The following TUT4 variants were observed in gnomAD, a reference collection of about 807,000 sequenced individuals.
TUT4 encodes the protein terminal uridylyltransferase 4.
In TUT4, 36 loss-of-function variants were observed where a neutral mutation model predicts 192.2. The observed-to-expected ratio is 0.19, with a 90% CI of 0.14 to 0.25. TUT4 has a LOEUF of 0.25. Among genes scored for constraint, TUT4 ranks in the 10% least tolerant of loss-of-function variants. TUT4 has a pLI of 1.00. For synonymous variants in TUT4, 618 were observed against 666.0 expected (o/e 0.93, Z 1.11); for missense variants, 1,493 against 1,957.2 (o/e 0.76, Z 4.47).
chr1:52,473,659 G>A (rs552710156), intron 13 of TUT4, among the ~76,000 whole-genome samples: 4 of 151,800 alleles, frequency 2.6e-5, no homozygotes, highest in African/African-American at 4.8e-5. Context: ...CAATAACTAC[G>A]ATAAAACAAT....
chr1:52,436,271 A>C (rs1044770856), intron 26 of TUT4, among the ~76,000 whole-genome samples: 1 of 152,132 alleles, frequency 6.6e-6, no homozygotes, highest in Admixed American at 6.5e-5. Context: ...GGATCACCTG[A>C]GGTCAGGAAT....
At chr1:52,530,828 C>T (rs952778065) in intron 1 of TUT4, among the ~76,000 whole-genome samples, 1 of 152,056 alleles carries the variant, frequency 6.6e-6, no homozygotes, top group Non-Finnish European at 1.5e-5. Context: ...CATGGTAAAA[C>T]CCTGTCTCTA....
At chr1:52,546,011 C>T (rs988917871) in intron 1 of TUT4, among the ~76,000 whole-genome samples, 2 of 150,114 alleles carry the variant, frequency 1.3e-5, no homozygotes, top group African/African-American at 2.5e-5. Flanking sequence ...TGGTCGCAAG[C>T]GCCCACAGTC....
At chr1:52,469,747 G>A (rs901581474) in intron 14 of TUT4, among the ~76,000 whole-genome samples, 38 of 152,006 alleles carry the variant, frequency 2.5e-4, no homozygotes, top group African/African-American at 7.0e-4. Flanking sequence ...AAAATTAGCC[G>A]GGCGTGATGG....
Position 52,423,834 on chromosome 1 carries a change from C to T in TUT4, c.*101G>A. The T allele has an allele frequency of 3.9e-6, 6 of 1,555,178 alleles. No individual in the cohort carries two copies. Among genetic ancestry groups the T allele is most frequent in the Middle Eastern group, 3.3e-4 (2 of 5,992 alleles). On this transcript the variant is annotated 3_prime_UTR_variant, in exon 30 of 30. Transcript: ENST00000257177. The stretch of plus-strand genomic sequence containing the variant: ...TGCTTTCCATTAAATGTCACTTTTT[C>T]TGCTGAATGTAACTGACATTGAGGT...
intron 20 of TUT4, among the ~76,000 whole-genome samples, chr1:52,451,819 G>A (rs527800540): frequency 9.9e-5 from 15 of 150,880 alleles, no homozygotes; most frequent in Non-Finnish European, 2.2e-4. Flanking sequence ...CTCCAGCCTG[G>A]GCAACAGAGT....
intron 3 of TUT4, among the ~76,000 whole-genome samples, chr1:52,510,238 G>A (rs1206458880): frequency 7.0e-6 from 1 of 142,998 alleles, no homozygotes; most frequent in Non-Finnish European, 1.5e-5. Flanking sequence ...TCTCAGCCTA[G>A]AAGGCAGAGT....
chr1:52,514,859 C>G (rs1275046509), intron 3 of TUT4: 2 of 151,214 alleles, frequency 1.3e-5, no homozygotes, highest in Admixed American at 6.6e-5. Context: ...CTCACCGCAA[C>G]CTCTGCCCCC....
intron 13 of TUT4, among the ~76,000 whole-genome samples, chr1:52,472,499 C>T (rs144472382): frequency 6.6e-6 from 1 of 151,684 alleles, no homozygotes; most frequent in Admixed American, 6.6e-5. Flanking sequence ...CAAACATTTT[C>T]TATTTTCTGA....
chr1:52,455,095 G>A (rs994616704), intron 20 of TUT4, among the ~76,000 whole-genome samples: 4 of 152,058 alleles, frequency 2.6e-5, no homozygotes, highest in Non-Finnish European at 5.9e-5. Context: ...ACCAACCTGG[G>A]CAACATGGAG....
At chr1:52,427,434 C>T (rs1354816280) in intron 28 of TUT4, among the ~76,000 whole-genome samples, 1 of 152,110 alleles carries the variant, frequency 6.6e-6, no homozygotes, top group Non-Finnish European at 1.5e-5. Context: ...ATGACTAAAA[C>T]ACTGAGAACA....
At chr1:52,448,362 C>T (rs891503326) in intron 20 of TUT4, among the ~76,000 whole-genome samples, 6 of 151,870 alleles carry the variant, frequency 4.0e-5, no homozygotes, top group African/African-American at 1.5e-4. Flanking sequence ...CCGAGGCAGG[C>T]GGATCACCTG....
intron 24 of TUT4, among the ~76,000 whole-genome samples, chr1:52,439,122 G>A (rs1359469072): frequency 6.7e-6 from 1 of 149,614 alleles, no homozygotes; most frequent in East Asian, 2.0e-4. Context: ...AGGAGGCTGA[G>A]ATGGGAGGAC....
rs568018442 is a variant in TUT4, at chr1:52,521,014, G to C, written c.718+4549C>G. Among the ~76,000 whole-genome samples the C allele has an allele frequency of 2.0e-5, 3 of 152,114 alleles. No homozygotes were observed. In the South Asian group the frequency reaches 6.2e-4, roughly 32 times the overall value. On this transcript the variant is annotated intron_variant, in intron 2 of 29. Coordinates refer to ENST00000257177, the MANE Select transcript of TUT4 (RefSeq NM_001009881.3). ...TCACCATGTTAGCCAGGCTGGTCTT[G>C]AACTCCTGACCTCAGGTGATCCGCC... is the stretch of plus-strand genomic sequence containing the variant.
At chr1:52,430,385 C>T (rs1172629218) in intron 28 of TUT4, among the ~76,000 whole-genome samples, 2 of 152,088 alleles carry the variant, frequency 1.3e-5, no homozygotes, top group African/African-American at 4.8e-5. Context: ...TGGGTTCAAG[C>T]GAGCCTCCTG....
intron 20 of TUT4, among the ~76,000 whole-genome samples, chr1:52,457,257 T>G (rs1469149521): frequency 6.6e-6 from 1 of 151,608 alleles, no homozygotes; most frequent in Non-Finnish European, 1.5e-5. Flanking sequence ...TTTTTTGAGA[T>G]GGACTCTCCC....
intron 24 of TUT4, among the ~76,000 whole-genome samples, chr1:52,445,074 T>C (rs1570349750): frequency 6.6e-6 from 1 of 151,152 alleles, no homozygotes; most frequent in East Asian, 1.9e-4. Flanking sequence ...TATAATAGGA[T>C]TATATATATC....
chr1:52,515,864 C>T (rs748283342), intron 3 of TUT4, 27 bp downstream of exon 3: 2 of 1,613,434 alleles, frequency 1.2e-6, no homozygotes, highest in Admixed American at 3.3e-5. Context: ...ACATTTCCCC[C>T]CAAATAACTA....
chr1:52,458,993 TA>T (rs1240274101), intron 19 of TUT4, among the ~76,000 whole-genome samples: 8 of 152,050 alleles, frequency 5.3e-5, no homozygotes, highest in African/African-American at 1.7e-4. Context: ...ACTATTCACA[TA>T]ATGGAATGGT....
Sources: gnomAD v4.1 joint callset for allele counts (sites outside exome capture counted in the v4.1 genomes callset) on GRCh38, gnomAD v4.1.1 for gene constraint, MANE v1.5 for transcripts, NCBI Gene and HGNC (gene_info 2026-07-23, HGNC 2026-07-21) for gene names.